ABCD2: variants seen among roughly 807,000 people sequenced by gnomAD.
ABCD2 encodes ATP-binding cassette sub-family D member 2.
Under a neutral mutation model 70.9 loss-of-function variants are expected in ABCD2, and 36 were observed. That is an observed-to-expected ratio of 0.51 (90% CI 0.39 to 0.67). ABCD2 has a LOEUF of 0.67. ABCD2 is among the 30% of genes least tolerant of loss of function. The pLI is 0.00. For missense variants in ABCD2, 729 were observed against 890.2 expected, an observed-to-expected ratio of 0.82 and a Z score of 2.30; for synonymous variants, 304 against 306.9, an observed-to-expected ratio of 0.99 and a Z score of 0.10.
the ABCD2 span, among the ~76,000 whole-genome samples, chr12:39,544,171 G>A: frequency 3.9e-5 from 6 of 152,226 alleles, no homozygotes; most frequent in East Asian, 1.2e-3. Flanking sequence ...GTGCTGATTG[G>A]TCAGGGATAA....
At chr12:39,594,918 T>C (rs548071424) in intron 6 of ABCD2, among the ~76,000 whole-genome samples, 6 of 152,212 alleles carry the variant, frequency 3.9e-5, no homozygotes, top group Non-Finnish European at 7.4e-5. Context: ...AGATTAGCCC[T>C]GGCAAGGTAG....
chr12:39,558,216 G>A (rs78841339), intron 9 of ABCD2, among the ~76,000 whole-genome samples: 2,584 of 151,628 alleles, frequency 0.017, 60 homozygotes, highest in African/African-American at 0.059. Context: ...ACTGGATTTA[G>A]GATTTGCACA....
At chr12:39,584,585 C>A (rs960971973) in intron 7 of ABCD2, among the ~76,000 whole-genome samples, 2 of 152,114 alleles carry the variant, frequency 1.3e-5, no homozygotes, top group African/African-American at 2.4e-5. Flanking sequence ...GTCATGAAGT[C>A]TTTGTCTGTT....
In ABCD2 at chr12:39,570,162, C is replaced by T. The variant is rs377218670; in HGVS notation, c.2003+3554G>A. Among the ~76,000 whole-genome samples, 254 of 152,252 alleles carry T rather than the reference C, an allele frequency of 1.7e-3. 2 individuals are homozygous for T. The highest frequency in any genetic ancestry group is 5.9e-3 in the African/African-American group (244 of 41,542). ...ATATTGTTAAAATGTCAATACTACC[C>T]GAAGTGATCTACATATTCAATTCAA... is the stretch of plus-strand genomic sequence containing the variant. On this transcript the variant is annotated intron_variant, in intron 9 of 9. Transcript: ENST00000308666.
intron 5 of ABCD2, among the ~76,000 whole-genome samples, chr12:39,601,779 A>T (rs1179587178): frequency 6.6e-6 from 1 of 152,180 alleles, no homozygotes; most frequent in Non-Finnish European, 1.5e-5. Flanking sequence ...TTATATTGCT[A>T]GCACACCAAG....
At chr12:39,531,268 A>G in the ABCD2 span, among the ~76,000 whole-genome samples, 84 of 152,194 alleles carry the variant, frequency 5.5e-4, no homozygotes, top group African/African-American at 1.8e-3. Flanking sequence ...TATGGTTTGA[A>G]TGTTCATGTT....
At chr12:39,548,602 T>C (rs554747987), downstream of ABCD2, among the ~76,000 whole-genome samples, 1 of 152,090 alleles carries the variant, frequency 6.6e-6, no homozygotes, top group African/African-American at 2.4e-5. Flanking sequence ...TTTTGCACCT[T>C]CCCAGGTGAG....
At chr12:39,573,456 A>G (rs917626914) in intron 9 of ABCD2, among the ~76,000 whole-genome samples, 1 of 152,118 alleles carries the variant, frequency 6.6e-6, no homozygotes, top group African/African-American at 2.4e-5. Flanking sequence ...TTACTGGGTA[A>G]TGATAAATAT....
At chr12:39,584,098 C>T (rs12423225) in intron 7 of ABCD2, among the ~76,000 whole-genome samples, 10,786 of 152,008 alleles carry the variant, frequency 0.071, 729 homozygotes, top group East Asian at 0.31. Flanking sequence ...TGAGGAATTG[C>T]CACACTGTGG....
chr12:39,568,419 G>C (rs535984692), intron 9 of ABCD2, among the ~76,000 whole-genome samples: 1 of 152,002 alleles, frequency 6.6e-6, no homozygotes, highest in African/African-American at 2.4e-5. Context: ...TGATTGAATC[G>C]GCTACTGAGG....
intron 6 of ABCD2, among the ~76,000 whole-genome samples, chr12:39,595,852 T>A (rs185296485): frequency 7.2e-5 from 11 of 152,324 alleles, no homozygotes; most frequent in South Asian, 2.1e-4. Flanking sequence ...TTGTGTCACT[T>A]ACTTATAGAG....
chr12:39,604,678 C>T, intron 4 of ABCD2, 84 bp downstream of exon 4: 1 of 1,101,310 alleles, frequency 9.1e-7, no homozygotes, highest in Non-Finnish European at 1.3e-6. Context: ...TACTTTGTAA[C>T]TACTAAAAGC....
intron 7 of ABCD2, among the ~76,000 whole-genome samples, chr12:39,583,915 C>T (rs575713189): frequency 2.6e-5 from 4 of 152,258 alleles, no homozygotes; most frequent in African/African-American, 9.6e-5. Context: ...CTTTCTTTAT[C>T]TAATCTGTCA....
At chr12:39,594,511 C>T (rs768741061) in intron 6 of ABCD2, among the ~76,000 whole-genome samples, 1 of 152,036 alleles carries the variant, frequency 6.6e-6, no homozygotes, top group East Asian at 1.9e-4. Context: ...AATTTTAATG[C>T]ATATAATTTT....
At chr12:39,537,225 C>CT in the ABCD2 span, among the ~76,000 whole-genome samples, 2 of 152,170 alleles carry the variant, frequency 1.3e-5, no homozygotes, top group Non-Finnish European at 2.9e-5. Context: ...TAAAATTAAA[C>CT]TTGTGCAAAA....
At chr12:39,618,576 A>T in intron 1 of ABCD2, 101 bp downstream of exon 1, 1 of 1,037,522 alleles carries the variant, frequency 9.6e-7, no homozygotes, top group Non-Finnish European at 1.4e-6. Context: ...CTAAGACACT[A>T]AAGAAGTGGG....
At chr12:39,555,730 T>C (rs1941155015) in intron 9 of ABCD2, among the ~76,000 whole-genome samples, 1 of 152,160 alleles carries the variant, frequency 6.6e-6, no homozygotes, top group Non-Finnish European at 1.5e-5. Flanking sequence ...AGACTGAGCC[T>C]CTGAACCTGC....
chr12:39,607,999 C>A (rs947712565), intron 2 of ABCD2, among the ~76,000 whole-genome samples: 2 of 151,914 alleles, frequency 1.3e-5, no homozygotes, highest in Admixed American at 6.6e-5. Flanking sequence ...GAAACCTTGT[C>A]GCTACTAAAA....
In ABCD2 at chr12:39,550,315, G is replaced by T. The variant is rs112023650; in HGVS notation, c.*3597C>A. 2.3e-3 allele frequency: 342 copies of T among 151,652 alleles called. 4 individuals are homozygous for T. The highest frequency in any genetic ancestry group is 7.5e-3 in the African/African-American group (311 of 41,442). 9.4% of individuals were successfully genotyped at this position (151,652 alleles called of 1,614,324 possible). The stretch of plus-strand genomic sequence containing the variant: ...TGATTAATCTAGTCTTTTTCTTAAT[G>T]GTTAAGGAATTCATAAGGAATGATG... On this transcript the variant is annotated 3_prime_UTR_variant, in exon 10 of 10. Transcript: ENST00000308666.
Sources: gnomAD v4.1 joint callset for allele counts (sites outside exome capture counted in the v4.1 genomes callset) on GRCh38, gnomAD v4.1.1 for gene constraint, MANE v1.5 for transcripts, NCBI Gene and HGNC (gene_info 2026-07-23, HGNC 2026-07-21) for gene names.